FOCAD: variants seen among roughly 807,000 people sequenced by gnomAD.
The protein encoded by FOCAD is focadhesin, also known as KIAA1797.
A neutral mutation model predicts 225.6 loss-of-function variants in FOCAD; 198 were observed. The ratio of observed to expected loss-of-function variants is 0.88; its 90% CI spans 0.78 to 0.99. The LOEUF (loss-of-function observed/expected upper bound fraction) is 0.99, where lower values mean the gene tolerates loss of function less well. Ranked by LOEUF, FOCAD falls within the 50% of genes least tolerant of loss-of-function variation. The pLI, the probability that FOCAD is intolerant of heterozygous loss-of-function variation, is 0.00. For synonymous variants in FOCAD, 897 were observed against 755.0 expected (o/e 1.19, Z -3.08); for missense variants, 2,713 against 2,123.6 (o/e 1.28, Z -5.46).
At chr9:20,667,621 C>T (rs1821933715) in intron 2 of FOCAD, among the ~76,000 whole-genome samples, 1 of 152,172 alleles carries the variant, frequency 6.6e-6, no homozygotes, top group African/African-American at 2.4e-5. Context: ...AGGAATTACC[C>T]AGGAAACCAC....
chr9:20,712,987 C>T (rs1435468696), intron 1 of FOCAD, among the ~76,000 whole-genome samples: 1 of 152,080 alleles, frequency 6.6e-6, no homozygotes, highest in Non-Finnish European at 1.5e-5. Flanking sequence ...CCTGCCTCAG[C>T]CTCCCAAAGT....
In FOCAD at chr9:20,789,397, T is replaced by C. The variant is rs1440363920; in HGVS notation, c.1244T>C (p.Ile415Thr). ...VCPVTSMYGT[I>T]FTAWRILEVM... is the part of the protein sequence containing the mutation. Reference sequence around the variant, plus strand: ...CCTGTAACCAGTATGTATGGTACAATATTTACAGCCTGGAGGATTCTTGAA... The same window carrying C: ...CCTGTAACCAGTATGTATGGTACAACATTTACAGCCTGGAGGATTCTTGAA... Residue 415 changes from isoleucine to threonine, a missense_variant, in exon 11 of 44, where the codon ATA becomes ACA. By Grantham distance (89) the Ile-to-Thr change is moderately conservative (BLOSUM62 -1). Coordinates refer to ENST00000338382, the MANE Select transcript of FOCAD (RefSeq NM_001375567.1). 8 of 1,614,064 alleles carry C rather than the reference T, an allele frequency of 5.0e-6. No homozygotes were observed. The highest frequency in any genetic ancestry group is 6.8e-6 in the Non-Finnish European group (8 of 1,179,950).
At chr9:20,972,554 C>T (rs763455871) in intron 35 of FOCAD, among the ~76,000 whole-genome samples, 1 of 151,760 alleles carries the variant, frequency 6.6e-6, no homozygotes. Flanking sequence ...CCTCTGCCCT[C>T]TCTTTTTCAG....
At chr9:20,768,719 G>T (rs532101079) in intron 7 of FOCAD, among the ~76,000 whole-genome samples, 1 of 152,256 alleles carries the variant, frequency 6.6e-6, no homozygotes, top group Non-Finnish European at 1.5e-5. Context: ...AATCATGAAA[G>T]AATGGTCAGT....
intron 35 of FOCAD, among the ~76,000 whole-genome samples, chr9:20,963,071 C>G (rs559848429): frequency 2.5e-4 from 38 of 152,296 alleles, no homozygotes; most frequent in African/African-American, 9.1e-4. Context: ...TTTCCAACAG[C>G]TACTATAGTT....
chr9:20,672,423 A>G (rs1822091777), intron 2 of FOCAD, among the ~76,000 whole-genome samples: 2 of 152,236 alleles, frequency 1.3e-5, no homozygotes, highest in Non-Finnish European at 2.9e-5. Flanking sequence ...AATGAAATCA[A>G]TAAGTTATAA....
intron 1 of FOCAD, 97 bp from the exon 2 acceptor site, chr9:20,715,225 G>C: frequency 2.1e-6 from 1 of 468,888 alleles, no homozygotes. Flanking sequence ...GTTATCTTTG[G>C]AATGGATTAC....
chr9:20,704,574 C>T (rs1342828625), intron 1 of FOCAD, among the ~76,000 whole-genome samples: 1 of 152,092 alleles, frequency 6.6e-6, no homozygotes, highest in African/African-American at 2.4e-5. Context: ...TATTTTTCTC[C>T]TTGAAAATGA....
intron 19 of FOCAD, among the ~76,000 whole-genome samples, chr9:20,877,360 A>G (rs1830314979): frequency 6.6e-6 from 1 of 152,232 alleles, no homozygotes. Flanking sequence ...TTCTAGAAAA[A>G]TAATAAAATG....
intron 10 of FOCAD, among the ~76,000 whole-genome samples, chr9:20,782,606 GATAT>G (rs1819494401): frequency 6.6e-6 from 1 of 151,950 alleles, no homozygotes; most frequent in East Asian, 1.9e-4. Flanking sequence ...TTTTTGTTTT[GATAT>G]TTGAGTTTTG....
chr9:20,930,189 A>T (rs1215683443), intron 27 of FOCAD, among the ~76,000 whole-genome samples: 1 of 97,276 alleles, frequency 1.0e-5, no homozygotes, highest in Non-Finnish European at 2.5e-5. Flanking sequence ...TGGACTGCTA[A>T]CTTTATTTAC....
intron 21 of FOCAD, among the ~76,000 whole-genome samples, chr9:20,889,587 A>G (rs1266895933): frequency 6.6e-6 from 1 of 152,164 alleles, no homozygotes; most frequent in Non-Finnish European, 1.5e-5. Flanking sequence ...CTTTTGTTCC[A>G]TTGAGATCTG....
intron 5 of FOCAD, among the ~76,000 whole-genome samples, chr9:20,756,305 A>G (rs372584718): frequency 3.3e-5 from 5 of 152,188 alleles, no homozygotes; most frequent in African/African-American, 4.8e-5. Context: ...GAGGTTAAGA[A>G]GAAATAGATA....
intron 15 of FOCAD, among the ~76,000 whole-genome samples, chr9:20,826,181 A>G (rs955931453): frequency 6.6e-6 from 1 of 152,108 alleles, no homozygotes; most frequent in Non-Finnish European, 1.5e-5. Flanking sequence ...GTTTTGCCAA[A>G]AGAGATTAAC....
intron 43 of FOCAD, 70 bp downstream of exon 43, chr9:20,993,398 A>T (rs945819984): frequency 4.6e-6 from 6 of 1,297,898 alleles, no homozygotes; most frequent in East Asian, 2.4e-5. Context: ...GCAGAATGGC[A>T]TTCTAGTGGT....
At chr9:20,952,430 C>T (rs1564196872) in intron 34 of FOCAD, 1 of 152,374 alleles carries the variant, frequency 6.6e-6, no homozygotes, top group African/African-American at 2.4e-5. Context: ...ATTCAACTAG[C>T]ATAAATGTCA....
At chr9:20,673,239 C>T (rs1449644333) in intron 2 of FOCAD, among the ~76,000 whole-genome samples, 2 of 152,102 alleles carry the variant, frequency 1.3e-5, no homozygotes, top group African/African-American at 4.8e-5. Context: ...CATTTTAATA[C>T]AAGCTTTTAT....
At chr9:20,960,635 G>A (rs1175499566) in intron 35 of FOCAD, among the ~76,000 whole-genome samples, 2 of 151,740 alleles carry the variant, frequency 1.3e-5, no homozygotes, top group African/African-American at 4.9e-5. Context: ...TACACAATGT[G>A]CAGGTTTGTT....
chr9:20,720,391 G>A lies in FOCAD; in HGVS notation c.144G>A (p.Leu48=). The A allele has an allele frequency of 6.2e-7, 1 of 1,613,974 alleles. No homozygotes were observed. Among genetic ancestry groups the A allele is most frequent in the Non-Finnish European group, 8.5e-7 (1 of 1,179,934 alleles). Reference sequence around the variant, plus strand: ...TGGTTTGGTTTCAGACTCCTGCTTTGAACTTGCTGTGGGAGAAGTGTTGCA... The same window carrying A: ...TGGTTTGGTTTCAGACTCCTGCTTTAAACTTGCTGTGGGAGAAGTGTTGCA... ...IHQSTNQTPA[L]NLLWEKCCSD... Residue 48 remains leucine, a synonymous_variant, in exon 4 of 44, where the codon TTG becomes TTA. Coordinates refer to ENST00000338382, the MANE Select transcript of FOCAD (RefSeq NM_001375567.1).
Sources: allele counts gnomAD v4.1 joint callset (sites outside exome capture counted in the v4.1 genomes callset), GRCh38; gene constraint gnomAD v4.1.1; transcripts MANE v1.5; gene names NCBI Gene and HGNC (gene_info 2026-07-23, HGNC 2026-07-21).